The following PCDHA2 variants were observed in gnomAD, a reference collection of about 807,000 sequenced individuals.
PCDHA2 encodes the protein protocadherin alpha 2.
Under a neutral mutation model 66.0 loss-of-function variants are expected in PCDHA2, and 58 were observed. That is an observed-to-expected ratio of 0.88 (90% CI 0.71 to 1.09). The LOEUF (loss-of-function observed/expected upper bound fraction) is 1.09, where lower values mean the gene tolerates loss of function less well. Ranked by LOEUF, PCDHA2 falls within the 50% of genes least tolerant of loss-of-function variation. The probability of loss-of-function intolerance (pLI) is 0.00; values close to 1 mark genes in which losing one functional copy is unlikely to be tolerated. For synonymous variants in PCDHA2, 634 were observed against 554.0 expected (o/e 1.14, Z -2.03); for missense variants, 1,267 against 1,242.3 (o/e 1.02, Z -0.30).
intron 1 of PCDHA2, among the ~76,000 whole-genome samples, chr5:140,800,643 A>G (rs1762584883): frequency 6.6e-6 from 1 of 152,218 alleles, no homozygotes; most frequent in Admixed American, 6.5e-5. Flanking sequence ...ATATCGTTTT[A>G]CTTAACCTCT....
rs1359152136 is a variant in PCDHA2, at chr5:140,969,072, C to T, written c.2389-9877C>T. 2.1e-5 allele frequency: 34 copies of T among 1,613,982 alleles called. No individual in the cohort carries two copies. The highest frequency in any genetic ancestry group is 5.0e-5 in the Admixed American group (3 of 59,998). On this transcript the variant is annotated intron_variant, in intron 1 of 3. Transcript: ENST00000526136. ...AACAACAATATTGATGCCAGGATACCGCATGGCCTCAAAGTGCAGCCTCAC... is the reference window on the plus strand; with the variant it reads ...AACAACAATATTGATGCCAGGATACTGCATGGCCTCAAAGTGCAGCCTCAC...
intron 1 of PCDHA2, chr5:140,836,533 T>C (rs1554136046): frequency 1.2e-6 from 2 of 1,613,852 alleles, no homozygotes; most frequent in South Asian, 1.1e-5. Flanking sequence ...ACCCTGCTGC[T>C]GTACACGGCG....
chr5:140,806,801 T>C (rs1201628500), intron 1 of PCDHA2: 1 of 209,258 alleles, frequency 4.8e-6, no homozygotes, highest in Non-Finnish European at 9.7e-6. Context: ...TTATTTCTAC[T>C]GAAGTAAAAG....
chr5:140,835,384 G>A, intron 1 of PCDHA2: 1 of 1,613,998 alleles, frequency 6.2e-7, no homozygotes, highest in Non-Finnish European at 8.5e-7. Flanking sequence ...GCTGGTCATT[G>A]TACAGTTCTT....
intron 3 of PCDHA2, among the ~76,000 whole-genome samples, chr5:140,983,182 C>G (rs782457174): frequency 1.3e-5 from 2 of 152,188 alleles, no homozygotes; most frequent in Non-Finnish European, 2.9e-5. Flanking sequence ...CTCACAATTT[C>G]TTAGTTTAGA....
intron 1 of PCDHA2, chr5:140,842,872 G>A (rs1554139490): frequency 4.4e-6 from 7 of 1,594,088 alleles, no homozygotes; most frequent in Middle Eastern, 2.1e-4. Context: ...GCGGCAAGGT[G>A]TACGCGCTGC....
chr5:140,881,106 C>T (rs1233394839), intron 1 of PCDHA2, among the ~76,000 whole-genome samples: 1 of 152,114 alleles, frequency 6.6e-6, no homozygotes, highest in Non-Finnish European at 1.5e-5. Context: ...CACCATTTGG[C>T]CTGGGATTTT....
chr5:140,907,582 G>A (rs978225789), intron 1 of PCDHA2, among the ~76,000 whole-genome samples: 1 of 152,190 alleles, frequency 6.6e-6, no homozygotes, highest in Admixed American at 6.5e-5. Flanking sequence ...CAGGTAGCTG[G>A]CTGATCACCC....
At chr5:140,914,606 C>A (rs1212372337) in intron 1 of PCDHA2, among the ~76,000 whole-genome samples, 2 of 152,072 alleles carry the variant, frequency 1.3e-5, no homozygotes, top group Admixed American at 6.5e-5. Context: ...CTTCCTCCTG[C>A]CATTTTGTAA....
intron 1 of PCDHA2, chr5:140,837,222 G>A (rs1385766412): frequency 1.3e-5 from 2 of 152,114 alleles, no homozygotes; most frequent in Admixed American, 6.6e-5. Context: ...TGAATTTTAA[G>A]CATTTCTTTT....
chr5:140,927,959 G>A lies in PCDHA2; in HGVS notation c.2389-50990G>A. On this transcript the variant is annotated intron_variant, in intron 1 of 3. Transcript: ENST00000526136. ...CCAGTACCTGAGGACGCTGCCCCTG[G>A]CACAGTGATTGCTCTCTTTAGTGTA... 1 of 1,614,190 alleles carries A rather than the reference G, an allele frequency of 6.2e-7. No individual in the cohort carries two copies. Among genetic ancestry groups the A allele is most frequent in the East Asian group, 2.2e-5 (1 of 44,886 alleles).
chr5:140,835,865 G>T, intron 1 of PCDHA2: 1 of 1,612,146 alleles, frequency 6.2e-7, no homozygotes. Flanking sequence ...CCTACTCGCT[G>T]GTGGAGCTGC....
intron 1 of PCDHA2, chr5:140,801,866 T>A: frequency 6.2e-7 from 1 of 1,614,116 alleles, no homozygotes; most frequent in Non-Finnish European, 8.5e-7. Flanking sequence ...CAGAGCTCAC[T>A]GGCACGACTC....
chr5:140,796,554 G>A lies in PCDHA2; in HGVS notation c.1590G>A (p.Leu530=). 1.2e-6 allele frequency: 2 copies of A among 1,613,162 alleles called. No homozygotes were observed. Among genetic ancestry groups the A allele is most frequent in the South Asian group, 1.1e-5 (1 of 91,038 alleles). The change falls in exon 1 of 4, where the codon CTG becomes CTA. Residue 530 remains leucine (L), a synonymous_variant. Coordinates refer to ENST00000526136, the MANE Select transcript of PCDHA2 (RefSeq NM_018905.3). The stretch of plus-strand genomic sequence containing the variant: ...CGCTGGACCACGAGGAAGTGGAGCT[G>A]CTGCAGTTCCAGGTGAGCGCGCGGG... ...LQPLDHEEVE[L]LQFQVSARDA...
In PCDHA2 at chr5:140,917,150, G is replaced by A. The variant is rs535773024; in HGVS notation, c.2389-61799G>A. Among the ~76,000 whole-genome samples the A allele has an allele frequency of 2.0e-5, 3 of 152,324 alleles. No individual in the cohort carries two copies. In the South Asian group the frequency reaches 6.2e-4, roughly 32 times the overall value. On this transcript the variant is annotated intron_variant, in intron 1 of 3. Transcript: ENST00000526136. ...CCCCACGTTGCTCAGCTGCTGCTGG[G>A]GGATATGGGAGGGGTGATGGTGGTG...
intron 1 of PCDHA2, chr5:140,966,810 G>A (rs1290992432): frequency 3.9e-6 from 6 of 1,548,566 alleles, no homozygotes; most frequent in African/African-American, 1.4e-5. Context: ...GAGCATCCAC[G>A]GCTCCGGCGG....
Position 140,835,940 on chromosome 5 carries a change from G to A in PCDHA2, c.2388+38588G>A. 6 of 1,612,590 alleles carry A rather than the reference G, an allele frequency of 3.7e-6. No homozygotes were observed. In the South Asian group the frequency reaches 6.6e-5, roughly 18 times the overall value. ...ACGCGGAGAGCGGCAAGGTGTACGCGCTGCAGCCGTTGGACCACGAGGAGC... is the reference window on the plus strand; with the variant it reads ...ACGCGGAGAGCGGCAAGGTGTACGCACTGCAGCCGTTGGACCACGAGGAGC... On this transcript the variant is annotated intron_variant, in intron 1 of 3. Transcript: ENST00000526136.
chr5:140,866,148 A>G (rs1031440226), intron 1 of PCDHA2: 4 of 152,180 alleles, frequency 2.6e-5, no homozygotes, highest in South Asian at 4.1e-4. Flanking sequence ...TGGAAGTGAT[A>G]TAAGTAAGAA....
At chr5:140,978,788 T>TA (rs2096823213) in intron 1 of PCDHA2, 161 bp from the exon 2 acceptor site, 1 of 974,810 alleles carries the variant, frequency 1.0e-6, no homozygotes, top group Non-Finnish European at 1.2e-6. Flanking sequence ...TCTAAAGTGC[T>TA]ATATATGTAG....
Sources: allele counts gnomAD v4.1 joint callset (sites outside exome capture counted in the v4.1 genomes callset), GRCh38; gene constraint gnomAD v4.1.1; transcripts MANE v1.5; gene names NCBI Gene and HGNC (gene_info 2026-07-23, HGNC 2026-07-21).